The following TACC2 variants were observed in gnomAD, a reference collection of about 807,000 sequenced individuals.
The protein encoded by TACC2 is transforming acidic coiled-coil containing protein 2.
A neutral mutation model predicts 227.3 loss-of-function variants in TACC2; 137 were observed. That is an observed-to-expected ratio of 0.60 (90% CI 0.52 to 0.69). The LOEUF (loss-of-function observed/expected upper bound fraction) is 0.69, where lower values mean the gene tolerates loss of function less well. Ranked by LOEUF, TACC2 falls within the 30% of genes least tolerant of loss-of-function variation. The pLI, the probability that TACC2 is intolerant of heterozygous loss-of-function variation, is 0.00. For missense variants in TACC2, 3,470 were observed against 3,694.4 expected (o/e 0.94, Z 1.57); for synonymous variants, 1,523 against 1,487.5 (o/e 1.02, Z -0.55).
chr10:122,028,941 C>G (rs1352451753), intron 2 of TACC2, among the ~76,000 whole-genome samples: 1 of 3,368 alleles, frequency 3.0e-4, no homozygotes, highest in Non-Finnish European at 5.1e-4. Flanking sequence ...CCCTCGCCTT[C>G]CCTTCCCTTC....
chr10:122,077,464 A>T (rs1295978342), intron 3 of TACC2, among the ~76,000 whole-genome samples: 1 of 151,860 alleles, frequency 6.6e-6, no homozygotes, highest in East Asian at 2.0e-4. Flanking sequence ...CTACCCTGAG[A>T]AGCGAAGAGT....
intron 8 of TACC2, among the ~76,000 whole-genome samples, chr10:122,200,019 GAC>G (rs2094727079): frequency 6.6e-6 from 1 of 152,236 alleles, no homozygotes. Context: ...GAATTTCGGG[GAC>G]ACACACATTC....
chr10:122,092,104 A>G (rs1185110411), intron 5 of TACC2, among the ~76,000 whole-genome samples: 3 of 152,182 alleles, frequency 2.0e-5, no homozygotes, highest in Non-Finnish European at 2.9e-5. Flanking sequence ...CTGCACGATT[A>G]TATCTCTCTT....
intron 17 of TACC2, among the ~76,000 whole-genome samples, chr10:122,237,742 A>T (rs528284185): frequency 2.0e-5 from 3 of 152,246 alleles, no homozygotes; most frequent in Non-Finnish European, 4.4e-5. Context: ...AACAAAAAGC[A>T]TGCCCCTTTC....
Position 122,226,500 on chromosome 10 carries a change from G to A in TACC2, c.7724+19G>A. The A allele has an allele frequency of 6.4e-7, 1 of 1,553,688 alleles. No individual in the cohort carries two copies. Among genetic ancestry groups the A allele is most frequent in the Non-Finnish European group, 8.9e-7 (1 of 1,127,986 alleles). On this transcript the variant is annotated intron_variant, in intron 13 of 22. Transcript: ENST00000369005. ...GTTCAGGGTATGACTTCCATGATGAGAGAGTTACACATCATGCTGGATGTT... is the reference window on the plus strand; with the variant it reads ...GTTCAGGGTATGACTTCCATGATGAAAGAGTTACACATCATGCTGGATGTT...
chr10:122,248,242 C>G (rs894481778), intron 19 of TACC2: 1 of 190,744 alleles, frequency 5.2e-6, no homozygotes, highest in Non-Finnish European at 1.1e-5. Flanking sequence ...ACAGCCCAGA[C>G]CTCACACCCT....
intron 3 of TACC2, among the ~76,000 whole-genome samples, chr10:122,079,315 A>G (rs1288407277): frequency 2.0e-5 from 3 of 152,204 alleles, no homozygotes; most frequent in Non-Finnish European, 4.4e-5. Flanking sequence ...CACTTTATCC[A>G]AACCCCAAGT....
rs1292478605 is a variant in TACC2 at position 122,209,663 on chromosome 10, G to C, written c.5972-734G>C. Among the ~76,000 whole-genome samples the C allele has an allele frequency of 6.6e-6, 1 of 152,078 alleles. No homozygotes were observed. Among genetic ancestry groups the C allele is most frequent in the Non-Finnish European group, 1.5e-5 (1 of 68,016 alleles). ...CCGGCTTTATTTTTCTCCTTAGCAT[G>C]TATCACCCTCTGAAATTCTGTACAT... On this transcript the variant is annotated intron_variant, in intron 8 of 22. Transcript: ENST00000369005. The surrounding 1 kb of genome is among the most constrained non-coding windows in gnomAD (Gnocchi z 4.5).
At chr10:122,196,286 C>CT (rs1385275173) in intron 8 of TACC2, among the ~76,000 whole-genome samples, 1 of 152,210 alleles carries the variant, frequency 6.6e-6, no homozygotes, top group Non-Finnish European at 1.5e-5. Flanking sequence ...ACTCCCGGAG[C>CT]TTTGTTCCTA....
At chr10:122,035,557 A>G (rs1960023594) in intron 2 of TACC2, among the ~76,000 whole-genome samples, 1 of 152,172 alleles carries the variant, frequency 6.6e-6, no homozygotes, top group Admixed American at 6.5e-5. Context: ...TAAAATTTCC[A>G]ATGGTAACCA....
chr10:122,035,088 G>T (rs1489324401), intron 2 of TACC2, among the ~76,000 whole-genome samples: 1 of 152,168 alleles, frequency 6.6e-6, no homozygotes, highest in Non-Finnish European at 1.5e-5. Context: ...GCCATCTTGG[G>T]GGATCCTAGT....
At chr10:122,220,986 C>CT (rs976204007) in intron 11 of TACC2, among the ~76,000 whole-genome samples, 3 of 152,230 alleles carry the variant, frequency 2.0e-5, no homozygotes, top group Non-Finnish European at 4.4e-5. Flanking sequence ...AACAGGCTTG[C>CT]TGCCTGCGTC....
At chr10:122,237,596 G>A (rs574867636) in intron 17 of TACC2, 58 bp downstream of exon 17, 53 of 1,568,438 alleles carry the variant, frequency 3.4e-5, no homozygotes, top group African/African-American at 2.3e-4. Context: ...ACGTATGCTC[G>A]TGGTCCACAA....
In TACC2 at chr10:122,086,580, G is replaced by C. The variant is rs1356331011; in HGVS notation, c.4080G>C (p.Glu1360Asp). 1.3e-6 allele frequency: 2 copies of C among 1,599,380 alleles called. No homozygotes were observed. The highest frequency in any genetic ancestry group is 3.4e-5 in the Admixed American group (2 of 59,172). ...GTGCAGGTGCCAAGGCCAGTGGGGA[G>C]GGCATGGCAGGTGATGCAGCAGGAG... is the stretch of plus-strand genomic sequence containing the variant. ...APGAGAKASG[E>D]GMAGDAAGET... is the part of the protein sequence containing the mutation. Residue 1360 changes from glutamate to aspartate, a missense_variant, in exon 4 of 23, where the codon GAG becomes GAC. This residue lies in a region of TACC2 where 1,924 missense variants were observed against 1,978.3 expected (regional missense o/e 0.97). Transcript: ENST00000369005.
At chr10:122,247,251 A>G (rs1300956706) in intron 19 of TACC2, 1 of 152,274 alleles carries the variant, frequency 6.6e-6, no homozygotes, top group Non-Finnish European at 1.5e-5. Context: ...GGGTCCAGTC[A>G]GCGCTGGCTC....
intron 12 of TACC2, among the ~76,000 whole-genome samples, chr10:122,226,043 C>G (rs1434196776): frequency 6.6e-6 from 1 of 152,204 alleles, no homozygotes; most frequent in East Asian, 1.9e-4. Context: ...GTGGCCAGCA[C>G]AGCTCCTGGC....
At chr10:122,000,247 T>C (rs887143652) in intron 1 of TACC2, among the ~76,000 whole-genome samples, 19 of 151,950 alleles carry the variant, frequency 1.3e-4, no homozygotes, top group Admixed American at 1.2e-3. Flanking sequence ...GGCTTGGTGG[T>C]GGGTGCCTGT....
chr10:122,198,098 C>T (rs1023169658), intron 8 of TACC2, among the ~76,000 whole-genome samples: 1 of 152,228 alleles, frequency 6.6e-6, no homozygotes, highest in Non-Finnish European at 1.5e-5. Context: ...GATGGTTTTT[C>T]CCCCTGGCAA....
chr10:122,102,100 C>T (rs977698654), intron 5 of TACC2, among the ~76,000 whole-genome samples: 1 of 151,986 alleles, frequency 6.6e-6, no homozygotes, highest in East Asian at 1.9e-4. Flanking sequence ...ACGCTTCACC[C>T]GTCGGTTTGG....
Sources: gnomAD v4.1 joint callset for allele counts (sites outside exome capture counted in the v4.1 genomes callset) on GRCh38, gnomAD v4.1.1 for gene constraint, gnomAD v4.1.1 regional missense constraint, Gnocchi (gnomAD v3.1) non-coding constraint, MANE v1.5 for transcripts, NCBI Gene and HGNC (gene_info 2026-07-23, HGNC 2026-07-21) for gene names.